KCNH1: variants seen among roughly 807,000 people sequenced by gnomAD.
KCNH1 encodes voltage-gated delayed rectifier potassium channel KCNH1.
In KCNH1, 27 loss-of-function variants were observed where a neutral mutation model predicts 69.2. That is an observed-to-expected ratio of 0.39 (90% CI 0.29 to 0.54). The LOEUF (loss-of-function observed/expected upper bound fraction) is 0.54. KCNH1 is among the 20% of genes least tolerant of loss of function. KCNH1 has a pLI of 0.68. For missense variants in KCNH1, 798 were observed against 1,261.6 expected, an observed-to-expected ratio of 0.63 and a Z score of 5.57; for synonymous variants, 456 against 487.7, an observed-to-expected ratio of 0.93 and a Z score of 0.86.
chr1:210,838,078 C>T (rs1266758314), intron 7 of KCNH1, among the ~76,000 whole-genome samples: 1 of 152,090 alleles, frequency 6.6e-6, no homozygotes, highest in Non-Finnish European at 1.5e-5. Flanking sequence ...TATCACCGTA[C>T]CTAACTTCAA....
chr1:210,818,580 G>C (rs1461104754), intron 7 of KCNH1, among the ~76,000 whole-genome samples: 4 of 152,114 alleles, frequency 2.6e-5, no homozygotes, highest in African/African-American at 4.8e-5. Flanking sequence ...TTTTGGTGAG[G>C]ATTAAATTTG....
At chr1:210,910,208 C>G (rs1687200842) in intron 7 of KCNH1, among the ~76,000 whole-genome samples, 1 of 141,012 alleles carries the variant, frequency 7.1e-6, no homozygotes, top group Admixed American at 7.5e-5. Flanking sequence ...TCAAATTGGC[C>G]TTACTGAAAA....
chr1:210,935,324 A>T (rs1302795745), intron 6 of KCNH1, among the ~76,000 whole-genome samples: 2 of 152,172 alleles, frequency 1.3e-5, no homozygotes, highest in East Asian at 3.9e-4. Flanking sequence ...AAGGTTTCTC[A>T]TAGAAGTAGA....
At chr1:210,965,408 G>C (rs1376984008) in intron 6 of KCNH1, among the ~76,000 whole-genome samples, 1 of 150,974 alleles carries the variant, frequency 6.6e-6, no homozygotes, top group Non-Finnish European at 1.5e-5. Flanking sequence ...CAGTCTCATG[G>C]TAAAAAAAAT....
intron 10 of KCNH1, among the ~76,000 whole-genome samples, chr1:210,741,704 G>A (rs1683036125): frequency 6.6e-6 from 1 of 152,184 alleles, no homozygotes; most frequent in African/African-American, 2.4e-5. Flanking sequence ...AACTGTGTGA[G>A]GCCTGCGAGC....
chr1:210,866,612 G>C (rs932843837), intron 7 of KCNH1, among the ~76,000 whole-genome samples: 4 of 152,056 alleles, frequency 2.6e-5, no homozygotes, highest in Non-Finnish European at 5.9e-5. Context: ...GACAAGTGTT[G>C]GTGATGATGT....
intron 5 of KCNH1, among the ~76,000 whole-genome samples, chr1:211,052,408 G>A (rs1690223378): frequency 6.6e-6 from 1 of 152,192 alleles, no homozygotes; most frequent in Non-Finnish European, 1.5e-5. Context: ...AGATCATTGT[G>A]AGTATTTTAA....
intron 6 of KCNH1, among the ~76,000 whole-genome samples, chr1:210,969,411 A>G (rs1688471156): frequency 6.6e-6 from 1 of 152,098 alleles, no homozygotes; most frequent in South Asian, 2.1e-4. Context: ...CATCTATAAA[A>G]TCACCTGGTA....
chr1:211,059,772 A>G (rs1005311060), intron 5 of KCNH1, among the ~76,000 whole-genome samples: 1 of 152,044 alleles, frequency 6.6e-6, no homozygotes, highest in African/African-American at 2.4e-5. Context: ...AGAGAGAGAG[A>G]GAGAGATTCC....
chr1:210,738,858 G>A (rs756111631), intron 10 of KCNH1, among the ~76,000 whole-genome samples: 14 of 152,050 alleles, frequency 9.2e-5, no homozygotes, highest in Non-Finnish European at 1.5e-4. Context: ...GAGCCATTGC[G>A]CCTGACCTCG....
At chr1:210,767,032 A>C (rs750589495) in intron 10 of KCNH1, among the ~76,000 whole-genome samples, 5 of 152,250 alleles carry the variant, frequency 3.3e-5, no homozygotes, top group African/African-American at 4.8e-5. Context: ...CAAAATTTGT[A>C]AGGACATGCT....
At chr1:210,806,836 A>AAAAAATATATATATATAT (rs1553346591) in intron 7 of KCNH1, among the ~76,000 whole-genome samples, 5 of 85,632 alleles carry the variant, frequency 5.8e-5, no homozygotes, top group Admixed American at 2.6e-4. Flanking sequence ...AAAAAAAAAA[A>AAAAAATATATATATATAT]ATATATATAT....
intron 7 of KCNH1, among the ~76,000 whole-genome samples, chr1:210,837,151 G>T (rs761487361): frequency 2.0e-5 from 3 of 152,176 alleles, no homozygotes; most frequent in Non-Finnish European, 4.4e-5. Flanking sequence ...TGCACAAGGT[G>T]TTTCTTCTGT....
intron 7 of KCNH1, among the ~76,000 whole-genome samples, chr1:210,817,528 A>G (rs1479138043): frequency 6.6e-6 from 1 of 152,216 alleles, no homozygotes; most frequent in East Asian, 1.9e-4. Flanking sequence ...TCACCCAGCC[A>G]GTAACAGATG....
chr1:211,096,173 C>T (rs36115666), intron 3 of KCNH1, among the ~76,000 whole-genome samples: 27,724 of 151,996 alleles, frequency 0.18, 2,861 homozygotes, highest in Non-Finnish European at 0.23. Context: ...AAGCGATTCT[C>T]CTGCCTCAGC....
intron 6 of KCNH1, among the ~76,000 whole-genome samples, chr1:210,940,467 T>C (rs1687857308): frequency 6.6e-6 from 1 of 152,206 alleles, no homozygotes; most frequent in African/African-American, 2.4e-5. Flanking sequence ...GGTTACTGAG[T>C]GTAAAGAGAG....
At chr1:210,879,806 A>T (rs1462722823) in intron 7 of KCNH1, among the ~76,000 whole-genome samples, 2 of 152,096 alleles carry the variant, frequency 1.3e-5, no homozygotes, top group South Asian at 2.1e-4. Context: ...AAAGAAATAA[A>T]TTTTTTTTGC....
intron 9 of KCNH1, among the ~76,000 whole-genome samples, chr1:210,788,948 G>A (rs952452938): frequency 1.3e-5 from 2 of 148,618 alleles, no homozygotes; most frequent in African/African-American, 5.2e-5. Context: ...CGCCCGCCTC[G>A]GCCTCCCAAA....
At chr1:210,767,627 G>C (rs1683662554) in intron 10 of KCNH1, among the ~76,000 whole-genome samples, 1 of 152,164 alleles carries the variant, frequency 6.6e-6, no homozygotes, top group African/African-American at 2.4e-5. Context: ...ACATGAATGA[G>C]AAATCTTGGG....
Sources: allele counts gnomAD v4.1 joint callset (sites outside exome capture counted in the v4.1 genomes callset), GRCh38; gene constraint gnomAD v4.1.1; transcripts MANE v1.5; gene names NCBI Gene and HGNC (gene_info 2026-07-23, HGNC 2026-07-21).